Variants in GTPBP4 observed in about 807,000 individuals in gnomAD.
The protein encoded by GTPBP4 is GTP-binding protein 4.
GTPBP4 carries 15 observed loss-of-function variants against 81.7 expected under a neutral mutation model. The observed-to-expected ratio is 0.18, with a 90% CI of 0.12 to 0.28. The LOEUF is 0.28. Ranked by LOEUF, GTPBP4 falls within the 10% of genes least tolerant of loss-of-function variation. The pLI, the probability that GTPBP4 is intolerant of heterozygous loss-of-function variation, is 1.00. For synonymous variants in GTPBP4, 272 were observed against 274.6 expected (o/e 0.99, Z 0.09); for missense variants, 847 against 793.8 (o/e 1.07, Z -0.81).
At chr10:1,008,184 G>A (rs977201290) in intron 10 of GTPBP4, 20 of 452,750 alleles carry the variant, frequency 4.4e-5, no homozygotes, top group Middle Eastern at 6.9e-4. Context: ...AGGCCGAGGC[G>A]GGTGGATCAC....
chr10:1,015,995 A>G (rs1831985722), intron 16 of GTPBP4, 99 bp downstream of exon 16: 3 of 1,094,332 alleles, frequency 2.7e-6, no homozygotes, highest in Non-Finnish European at 2.7e-6. Context: ...TGCAGGAACT[A>G]TGGCAGGGGT....
At chr10:1,008,876 A>T (rs1282312767) in intron 10 of GTPBP4, 82 bp from the exon 11 acceptor site, 3 of 1,012,618 alleles carry the variant, frequency 3.0e-6, no homozygotes, top group Non-Finnish European at 4.7e-6. Context: ...GCACGTAGGG[A>T]ATTTGTTTCT....
chr10:1,008,877 ATTTGTTTCTAC>A, intron 10 of GTPBP4, 70 bp from the exon 11 acceptor site: 1 of 1,024,998 alleles, frequency 9.8e-7, no homozygotes, highest in Non-Finnish European at 1.5e-6. Flanking sequence ...CACGTAGGGA[ATTTGTTTCTAC>A]TTTTTCGGCT....
In GTPBP4 at chr10:992,678, T is replaced by A. The variant is rs765269348; in HGVS notation, c.219+19T>A. On this transcript the variant is annotated intron_variant, in intron 2 of 16. Transcript: ENST00000360803. Reference sequence around the variant, plus strand: ...ATTGGATGTAAGTGACTTAGGGGACTTCTGTGGTTATGTAAATACGGGCTT... The same window carrying A: ...ATTGGATGTAAGTGACTTAGGGGACATCTGTGGTTATGTAAATACGGGCTT... 2 of 1,523,410 alleles carry A rather than the reference T, an allele frequency of 1.3e-6. No individual in the cohort carries two copies. The highest frequency in any genetic ancestry group is 1.1e-5 in the South Asian group (1 of 87,098). The allele number at this position is 1,523,410 out of a possible 1,614,324, so 94.4% of individuals were successfully genotyped here. A position where few individuals can be genotyped will look rare whatever the true frequency, so the allele number is the denominator to read the frequency against.
Position 1,005,913 on chromosome 10 carries a change from T to A in GTPBP4, c.1002+6T>A. ...TTATTAAAGTTAAAACAGAGGTCAG[T>A]GCTGCCTTAAGTCAGGTATTAGTCT... On this transcript the variant is annotated splice_donor_region_variant and intron_variant, in intron 9 of 16. Coordinates refer to ENST00000360803, the MANE Select transcript of GTPBP4 (RefSeq NM_012341.3). 6.8e-7 allele frequency: 1 copy of A among 1,471,016 alleles called. No individual in the cohort carries two copies. The highest frequency in any genetic ancestry group is 1.4e-5 in the African/African-American group (1 of 71,300). The allele number at this position is 1,471,016 out of a possible 1,614,324, so 91.1% of individuals were successfully genotyped here.
intron 6 of GTPBP4, 138 bp downstream of exon 6, chr10:999,233 C>T (rs936984954): frequency 1.6e-6 from 1 of 618,814 alleles, no homozygotes; most frequent in African/African-American, 1.8e-5. Flanking sequence ...ATTCTCCTGC[C>T]TCAGCCTTTC....
intron 8 of GTPBP4, among the ~76,000 whole-genome samples, chr10:1,001,931 G>GTTT (rs34090663): frequency 6.9e-6 from 1 of 145,626 alleles, no homozygotes; most frequent in East Asian, 2.0e-4. Flanking sequence ...TTTTATTTTT[G>GTTT]TTTTTTTTTT....
Position 1,011,967 on chromosome 10 carries a change from G to A in GTPBP4, c.1345-498G>A, listed in dbSNP as rs529138211. Among the ~76,000 whole-genome samples the A allele has an allele frequency of 1.8e-4, 28 of 152,370 alleles. 1 individual carries two copies. The East Asian group carries it at 5.2e-3, about 28-fold the overall frequency. On this transcript the variant is annotated intron_variant, in intron 13 of 16. Coordinates refer to ENST00000360803, the MANE Select transcript of GTPBP4 (RefSeq NM_012341.3). Reference sequence around the variant, plus strand: ...CACTGCTGGCCAGCATCTCGTACAGGCACATCTGCCTGCTGGGCTCCTGGC... The same window carrying A: ...CACTGCTGGCCAGCATCTCGTACAGACACATCTGCCTGCTGGGCTCCTGGC...
chr10:1,013,690 T>A (rs1831921798), intron 14 of GTPBP4, among the ~76,000 whole-genome samples: 1 of 152,204 alleles, frequency 6.6e-6, no homozygotes, highest in Non-Finnish European at 1.5e-5. Flanking sequence ...AGGCAATTTA[T>A]TGGCTCTGTG....
At chr10:1,011,005 C>T (rs1028239813) in intron 13 of GTPBP4, among the ~76,000 whole-genome samples, 4 of 94,520 alleles carry the variant, frequency 4.2e-5, no homozygotes, top group Non-Finnish European at 1.0e-4. Context: ...CACCTTCCCC[C>T]CCACCCTGTG....
In GTPBP4 at chr10:1,008,038, A is replaced by G. The variant is rs185321908; in HGVS notation, c.1113+910A>G. ...TGCTGTACATTTTTGAACTATTAAC[A>G]TATATTAATTTTTTTTTCTGGGTGT... On this transcript the variant is annotated intron_variant, in intron 10 of 16. Coordinates refer to ENST00000360803, the MANE Select transcript of GTPBP4 (RefSeq NM_012341.3). 603 of 479,336 alleles carry G rather than the reference A, an allele frequency of 1.3e-3. 3 individuals are homozygous for G. Among genetic ancestry groups the G allele is most frequent in the African/African-American group, 0.01 (533 of 51,054 alleles). 29.7% of individuals were successfully genotyped at this position (479,336 alleles called of 1,614,324 possible).
intron 14 of GTPBP4, among the ~76,000 whole-genome samples, 165 bp downstream of exon 14, chr10:1,012,827 T>G (rs1202320059): frequency 6.6e-6 from 1 of 152,218 alleles, no homozygotes; most frequent in Non-Finnish European, 1.5e-5. Flanking sequence ...ATTGATCTTT[T>G]ATATTCTTTA....
chr10:988,518 G>A lies in GTPBP4; in HGVS notation c.39G>A (p.Pro13=). 6.2e-7 allele frequency: 1 copy of A among 1,612,056 alleles called. No individual in the cohort carries two copies. The highest frequency in any genetic ancestry group is 8.5e-7 in the Non-Finnish European group (1 of 1,178,940). ...ACTTCAAGAAAATTACGGTGGTGCCGTCCGCCAAGGTAGGCGGCCCCGGGA... is the reference window on the plus strand; with the variant it reads ...ACTTCAAGAAAATTACGGTGGTGCCATCCGCCAAGGTAGGCGGCCCCGGGA... ...HYNFKKITVV[P]SAKDFIDLTL... is the part of the protein sequence containing the mutation. Residue 13 remains proline, a synonymous_variant, in exon 1 of 17, where the codon CCG becomes CCA. Transcript: ENST00000360803.
chr10:1,002,792 G>C (rs1428189428), intron 8 of GTPBP4, among the ~76,000 whole-genome samples: 1 of 152,042 alleles, frequency 6.6e-6, no homozygotes, highest in African/African-American at 2.4e-5. Flanking sequence ...TAGTCTAATG[G>C]GGATTTTCTT....
At chr10:991,890 T>C (rs1228683722) in intron 1 of GTPBP4, among the ~76,000 whole-genome samples, 15 of 145,704 alleles carry the variant, frequency 1.0e-4, no homozygotes, top group African/African-American at 3.8e-4. Flanking sequence ...AGAGACGGGG[T>C]TTCACCGTGT....
chr10:988,509 G>A lies in GTPBP4; in HGVS notation c.30G>A (p.Thr10=), dbSNP rs1394977157. The A allele has an allele frequency of 1.2e-6, 2 of 1,613,002 alleles. No individual in the cohort carries two copies. Among genetic ancestry groups the A allele is most frequent in the Admixed American group, 3.3e-5 (2 of 59,990 alleles). Residue 10 remains threonine, a synonymous_variant, in exon 1 of 17, where the codon ACG becomes ACA. Coordinates refer to ENST00000360803, the MANE Select transcript of GTPBP4 (RefSeq NM_012341.3). Reference sequence around the variant, plus strand: ...CACATTACAACTTCAAGAAAATTACGGTGGTGCCGTCCGCCAAGGTAGGCG... The same window carrying A: ...CACATTACAACTTCAAGAAAATTACAGTGGTGCCGTCCGCCAAGGTAGGCG... The part of the protein sequence containing the change: MAHYNFKKI[T]VVPSAKDFID...
At chr10:1,011,598 C>T (rs1373643858) in intron 13 of GTPBP4, among the ~76,000 whole-genome samples, 1 of 152,256 alleles carries the variant, frequency 6.6e-6, no homozygotes, top group Non-Finnish European at 1.5e-5. Context: ...GTTGCCACTC[C>T]TTGGTTCCCA....
chr10:1,000,922 T>C, intron 7 of GTPBP4, 26 bp from the exon 8 acceptor site: 8 of 1,599,960 alleles, frequency 5.0e-6, no homozygotes, highest in Non-Finnish European at 6.9e-6. Context: ...AGAATAATGA[T>C]TTCATTATTT....
At position 1,014,292 on chromosome 10, in the gene GTPBP4, G is replaced by T; in HGVS notation, c.1588G>T (p.Asp530Tyr). The T allele has an allele frequency of 6.2e-7, 1 of 1,608,760 alleles. No homozygotes were observed. The highest frequency in any genetic ancestry group is 1.1e-5 in the South Asian group (1 of 90,992). The change falls in exon 15 of 17, where the codon GAC (aspartate) becomes TAC (tyrosine). Residue 530 changes from aspartate to tyrosine, a missense_variant. By Grantham distance (160) the Asp-to-Tyr change is radical. Coordinates refer to ENST00000360803, the MANE Select transcript of GTPBP4 (RefSeq NM_012341.3). The part of the protein sequence containing the change: ...LEKEMRSLGV[D>Y]MDDKDDAHYA... ...GAAGGAGATGCGTAGTCTTGGTGTT[G>T]ACATGGACGATAAAGACGATGTGAG...
Sources: gnomAD v4.1 joint callset for allele counts (sites outside exome capture counted in the v4.1 genomes callset) on GRCh38, gnomAD v4.1.1 for gene constraint, MANE v1.5 for transcripts, NCBI Gene and HGNC (gene_info 2026-07-23, HGNC 2026-07-21) for gene names.